Variants in OOSP4A observed in about 807,000 individuals in gnomAD.
The protein encoded by OOSP4A is oocyte secreted protein family member 4A.
intron 3 of OOSP4A, among the ~76,000 whole-genome samples, chr11:59,968,767 A>G (rs543760859): frequency 6.6e-6 from 1 of 152,340 alleles, no homozygotes; most frequent in South Asian, 2.1e-4. Flanking sequence ...TAGTGACCCC[A>G]CTTATCCCTC....
chr11:59,967,807 G>T (rs1279467215), intron 3 of OOSP4A, among the ~76,000 whole-genome samples: 1 of 151,974 alleles, frequency 6.6e-6, no homozygotes, highest in Non-Finnish European at 1.5e-5. Flanking sequence ...TCAAATCCCT[G>T]GTTGAGCTGT....
intron 1 of OOSP4A, 35 bp from the exon 2 acceptor site, chr11:59,965,500 T>C (rs763368156): frequency 2.5e-6 from 1 of 398,328 alleles, no homozygotes; most frequent in Non-Finnish European, 4.4e-6. Flanking sequence ...GACGTACTAT[T>C]TGATGTTTTC....
intron 4 of OOSP4A, 101 bp downstream of exon 4, chr11:59,969,385 T>A (rs967734334): frequency 2.5e-6 from 1 of 396,532 alleles, no homozygotes; most frequent in African/African-American, 2.1e-5. Flanking sequence ...TTTTGTGTAC[T>A]ATTGCCCATA....
At chr11:59,967,143 C>G in exon 3 of OOSP4A, 1 of 398,044 alleles carries the variant, frequency 2.5e-6, no homozygotes, top group Non-Finnish European at 4.4e-6. Flanking sequence ...TTACACATCC[C>G]AGTATCATGC....
Position 59,967,262 on chromosome 11 carries a change from G to T in OOSP4A, c.344+98G>T, listed in dbSNP as rs530142399. 6.5e-4 allele frequency: 257 copies of T among 393,126 alleles called. 1 individual carries two copies. Among genetic ancestry groups the T allele is most frequent in the Non-Finnish European group, 9.8e-4 (218 of 223,116 alleles). The allele number at this position is 393,126 out of a possible 1,614,324, so 24.4% of individuals were successfully genotyped here. A position where few individuals can be genotyped will look rare whatever the true frequency, so the allele number is the denominator to read the frequency against. ...AACTGCTGAACATTATGCTAAGGTTGGACATTGGATCAAATCTGATCTATG... is the reference window on the plus strand; with the variant it reads ...AACTGCTGAACATTATGCTAAGGTTTGACATTGGATCAAATCTGATCTATG... On this transcript the variant is annotated intron_variant, in intron 3 of 4. Coordinates refer to ENST00000645590, the Ensembl canonical transcript of OOSP4A.
intron 3 of OOSP4A, among the ~76,000 whole-genome samples, chr11:59,968,072 T>G (rs1228226210): frequency 6.6e-6 from 1 of 152,196 alleles, no homozygotes; most frequent in Non-Finnish European, 1.5e-5. Flanking sequence ...TCTTTAAGAC[T>G]CCTAGAGTTT....
rs369627620 is a variant in OOSP4A, at chr11:59,969,131, AT to A, written c.345-12del. On this transcript the variant is annotated intron_variant, in intron 3 of 4. Coordinates refer to ENST00000645590, the Ensembl canonical transcript of OOSP4A. ...CATAATATATACAAAGCTTAAATAT[AT>A]TTTTTTCTCTTTTTCAGAAGGTTTC... The A allele has an allele frequency of 9.6e-4, 384 of 398,400 alleles. 3 individuals carry two copies. The highest frequency in any genetic ancestry group is 6.9e-3 in the African/African-American group (335 of 48,694). 24.7% of individuals were successfully genotyped at this position (398,400 alleles called of 1,614,324 possible). A position where few individuals can be genotyped will look rare whatever the true frequency, so the allele number is the denominator to read the frequency against.
At chr11:59,968,642 T>C (rs1854126536) in intron 3 of OOSP4A, among the ~76,000 whole-genome samples, 1 of 152,236 alleles carries the variant, frequency 6.6e-6, no homozygotes, top group Non-Finnish European at 1.5e-5. Context: ...CGTGTCATTC[T>C]ACTGCACAGG....
intron 3 of OOSP4A, among the ~76,000 whole-genome samples, chr11:59,968,751 G>A (rs1023777242): frequency 2.0e-5 from 3 of 152,196 alleles, no homozygotes; most frequent in Non-Finnish European, 2.9e-5. Context: ...AAGGGAGGGA[G>A]AATTTTAGTG....
At chr11:59,965,683 T>C in exon 2 of OOSP4A, 1 of 398,514 alleles carries the variant, frequency 2.5e-6, no homozygotes, top group Non-Finnish European at 4.4e-6. Flanking sequence ...GGTTCCTGTA[T>C]CTTCTAACTT....
At chr11:59,970,202 A>G (rs1854140606), downstream of OOSP4A, 1 of 396,656 alleles carries the variant, frequency 2.5e-6, no homozygotes, top group Admixed American at 4.4e-5. Context: ...TAGTCACTGG[A>G]TATTGTCTTT....
chr11:59,965,394 G>A, intron 1 of OOSP4A, 141 bp from the exon 2 acceptor site: 1 of 395,258 alleles, frequency 2.5e-6, no homozygotes, highest in Non-Finnish European at 4.5e-6. Context: ...ATCTCCCAGT[G>A]GAAAAATATA....
intron 4 of OOSP4A, 53 bp from the exon 5 acceptor site, chr11:59,969,996 T>C (rs1854138781): frequency 5.0e-6 from 2 of 397,314 alleles, no homozygotes; most frequent in South Asian, 2.6e-4. Flanking sequence ...GATAGTTAGA[T>C]GGTAGTTTCC....
At chr11:59,966,193 A>G (rs1854097122) in intron 2 of OOSP4A, among the ~76,000 whole-genome samples, 1 of 150,734 alleles carries the variant, frequency 6.6e-6, no homozygotes, top group Non-Finnish European at 1.5e-5. Flanking sequence ...TTTATGTTAA[A>G]TTGTTGCTAT....
chr11:59,964,357 G>T (rs923963059), intron 1 of OOSP4A, among the ~76,000 whole-genome samples: 1 of 151,786 alleles, frequency 6.6e-6, no homozygotes, highest in South Asian at 2.1e-4. Context: ...AATATTTCCA[G>T]GTTCTTTCTC....
chr11:59,966,544 C>T (rs1379325639), intron 2 of OOSP4A, among the ~76,000 whole-genome samples: 3 of 151,666 alleles, frequency 2.0e-5, no homozygotes, highest in African/African-American at 4.8e-5. Flanking sequence ...GGCACAATCT[C>T]GGCTCACTGC....
intron 3 of OOSP4A, among the ~76,000 whole-genome samples, chr11:59,968,759 G>A (rs576457216): frequency 6.6e-6 from 1 of 152,306 alleles, no homozygotes; most frequent in South Asian, 2.1e-4. Flanking sequence ...GAGAATTTTA[G>A]TGACCCCACT....
rs1439555651 is a variant in OOSP4A, at chr11:59,965,555, T to TC, written c.90dup (p.Trp31LeufsTer7). On this transcript the variant is annotated frameshift_variant, in exon 2 of 5. Coordinates refer to ENST00000645590, the Ensembl canonical transcript of OOSP4A. LOFTEE classifies it high-confidence loss of function. ...AACAGTGTCTATAACCTGTTCTGAA[T>TC]CCTGGCTCCAGGTCAAACTTAGACG... The TC allele has an allele frequency of 1.8e-5, 7 of 398,400 alleles. No homozygotes were observed. The highest frequency in any genetic ancestry group is 2.7e-5 in the Non-Finnish European group (6 of 225,994). The allele number at this position is 398,400 out of a possible 1,614,324, so 24.7% of individuals were successfully genotyped here.
intron 1 of OOSP4A, 39 bp from the exon 2 acceptor site, chr11:59,965,496 C>T (rs1854089855): frequency 2.5e-6 from 1 of 398,232 alleles, no homozygotes; most frequent in Non-Finnish European, 4.4e-6. Flanking sequence ...GGCAGACGTA[C>T]TATTTGATGT....
Sources: gnomAD v4.1 joint callset for allele counts (sites outside exome capture counted in the v4.1 genomes callset) on GRCh38, gnomAD v4.1.1 for gene constraint, MANE v1.5 for transcripts, NCBI Gene and HGNC (gene_info 2026-07-23, HGNC 2026-07-21) for gene names.